Variants in PIK3R3 observed in about 807,000 individuals in gnomAD.
PIK3R3 encodes phosphoinositide-3-kinase regulatory subunit 3.
A neutral mutation model predicts 62.9 loss-of-function variants in PIK3R3; 64 were observed. That is an observed-to-expected ratio of 1.02 (90% confidence interval 0.83 to 1.25). The LOEUF is 1.25. Among genes scored for constraint, PIK3R3 ranks in the 50% most tolerant of loss-of-function variants. The pLI, the probability that PIK3R3 is intolerant of heterozygous loss-of-function variation, is 0.00. For missense variants in PIK3R3, 614 were observed against 561.6 expected (o/e 1.09, Z -0.94); for synonymous variants, 165 against 189.0 (o/e 0.87, Z 1.04).
chr1:46,059,986 GC>G lies in PIK3R3; in HGVS notation c.764+1942del, dbSNP rs1261168600. On this transcript the variant is annotated intron_variant, in intron 6 of 9. Transcript: ENST00000262741. ...GTGGTGGCATGCACCTATAATCCCA[GC>G]TACTTGGGAGGCTGAGGCAGGATAA... Among the ~76,000 whole-genome samples the G allele has an allele frequency of 6.6e-5, 10 of 152,228 alleles. No homozygotes were observed. In the East Asian group the frequency reaches 1.9e-3, roughly 29 times the overall value.
the PIK3R3 span, among the ~76,000 whole-genome samples, chr1:46,153,299 C>T: frequency 6.6e-6 from 1 of 152,162 alleles, no homozygotes; most frequent in Non-Finnish European, 1.5e-5. Flanking sequence ...GGAATTAACC[C>T]TACCTCAAAG....
chr1:46,086,836 T>C (rs1490866761), intron 1 of PIK3R3, among the ~76,000 whole-genome samples: 2 of 152,014 alleles, frequency 1.3e-5, no homozygotes, highest in Non-Finnish European at 2.9e-5. Context: ...GAAAGAGCAG[T>C]TAAGTCCTTA....
At chr1:46,124,320 A>G (rs369889060) in intron 1 of PIK3R3, among the ~76,000 whole-genome samples, 1 of 152,174 alleles carries the variant, frequency 6.6e-6, no homozygotes, top group East Asian at 1.9e-4. Flanking sequence ...TAGTTTTGTA[A>G]TCTATGTCAT....
At chr1:46,061,593 C>A (rs1428817192) in intron 6 of PIK3R3, among the ~76,000 whole-genome samples, 2 of 152,160 alleles carry the variant, frequency 1.3e-5, no homozygotes, top group Non-Finnish European at 2.9e-5. Flanking sequence ...GTGGGCGTGG[C>A]ATTCAGTAAA....
intron 1 of PIK3R3, among the ~76,000 whole-genome samples, chr1:46,109,539 A>G (rs1035628105): frequency 6.6e-6 from 1 of 151,872 alleles, no homozygotes; most frequent in Non-Finnish European, 1.5e-5. Context: ...GCTGAAGTAC[A>G]GTGACGCAAT....
chr1:46,129,054 G>C (rs1655338127), intron 1 of PIK3R3, among the ~76,000 whole-genome samples: 1 of 151,370 alleles, frequency 6.6e-6, no homozygotes, highest in African/African-American at 2.4e-5. Flanking sequence ...CTGGGCAACA[G>C]AGTGAGACTC....
At chr1:46,090,663 T>C (rs183832775) in intron 1 of PIK3R3, among the ~76,000 whole-genome samples, 1 of 152,292 alleles carries the variant, frequency 6.6e-6, no homozygotes, top group Non-Finnish European at 1.5e-5. Context: ...TATTAAACCA[T>C]GTAAGTTCAC....
intron 1 of PIK3R3, among the ~76,000 whole-genome samples, chr1:46,094,831 C>A (rs567179389): frequency 1.7e-4 from 26 of 152,204 alleles, no homozygotes; most frequent in Non-Finnish European, 3.7e-4. Flanking sequence ...AATGGTACAA[C>A]AGCCAATCAC....
At chr1:46,090,011 TG>T in intron 1 of PIK3R3, among the ~76,000 whole-genome samples, 1 of 152,274 alleles carries the variant, frequency 6.6e-6, no homozygotes, top group African/African-American at 2.4e-5. Flanking sequence ...AAGAGTTAAG[TG>T]TTGCCCCTAG....
At chr1:46,060,481 G>A (rs1474470933) in intron 6 of PIK3R3, among the ~76,000 whole-genome samples, 2 of 152,098 alleles carry the variant, frequency 1.3e-5, no homozygotes, top group Non-Finnish European at 2.9e-5. Context: ...CAGAGACTCC[G>A]TCTCAAATAA....
At chr1:46,120,571 C>CA (rs965083824) in intron 1 of PIK3R3, among the ~76,000 whole-genome samples, 2 of 151,472 alleles carry the variant, frequency 1.3e-5, no homozygotes, top group African/African-American at 4.8e-5. Flanking sequence ...GCCTCCGTCT[C>CA]AAAAAAAATA....
chr1:46,080,901 G>A (rs764793787), intron 1 of PIK3R3, 151 bp from the exon 2 acceptor site: 58 of 574,860 alleles, frequency 1.0e-4, no homozygotes, highest in Non-Finnish European at 1.4e-4. Flanking sequence ...AGCAACAGAA[G>A]GAATCCTTTT....
At chr1:46,099,086 T>G (rs785516) in intron 1 of PIK3R3, among the ~76,000 whole-genome samples, 108,837 of 152,038 alleles carry the variant, frequency 0.72, 39,090 homozygotes, top group African/African-American at 0.75. Context: ...GCACAACTAT[T>G]TGACTATATT....
intron 2 of PIK3R3, among the ~76,000 whole-genome samples, chr1:46,079,318 A>G (rs1490341836): frequency 6.6e-6 from 1 of 152,238 alleles, no homozygotes; most frequent in African/African-American, 2.4e-5. Flanking sequence ...TTAAATGTAT[A>G]TAATTCCCTC....
chr1:46,055,910 G>A lies in PIK3R3; in HGVS notation c.826C>T (p.Arg276Cys), dbSNP rs775105727. 9 of 1,605,566 alleles carry A rather than the reference G, an allele frequency of 5.6e-6. No individual in the cohort carries two copies. Among genetic ancestry groups the A allele is most frequent in the South Asian group, 1.1e-5 (1 of 90,592 alleles). Reference sequence around the variant, plus strand: ...TGATTCTTCAAATCCTGCTCTAGACGCATTTTGCTATCATGAATCTCACCC... The same window carrying A: ...TGATTCTTCAAATCCTGCTCTAGACACATTTTGCTATCATGAATCTCACCC... ...RLGEIHDSKM[R>C]LEQDLKNQAL... is the part of the protein sequence containing the mutation. The change falls in exon 7 of 10, where the codon CGT (arginine) becomes TGT (cysteine). Residue 276 changes from arginine (R) to cysteine (C), a missense_variant. Coordinates refer to ENST00000262741, the MANE Select transcript of PIK3R3 (RefSeq NM_003629.4).
chr1:46,088,026 G>A (rs1651255583), intron 1 of PIK3R3, among the ~76,000 whole-genome samples: 2 of 152,144 alleles, frequency 1.3e-5, no homozygotes, highest in African/African-American at 4.8e-5. Context: ...TCTGGAGGTG[G>A]ATGGTGGTGA....
chr1:46,152,562 T>TC, the PIK3R3 span, among the ~76,000 whole-genome samples: 4 of 143,286 alleles, frequency 2.8e-5, no homozygotes, highest in African/African-American at 1.0e-4. Context: ...ATTAACATCT[T>TC]TTTTTTTTTT....
the PIK3R3 span, among the ~76,000 whole-genome samples, chr1:46,143,318 T>C: frequency 6.6e-6 from 1 of 152,206 alleles, no homozygotes. Flanking sequence ...GATACCTTTT[T>C]TGTGTTTATT....
At chr1:46,092,596 C>T (rs924963676) in intron 1 of PIK3R3, among the ~76,000 whole-genome samples, 1 of 152,152 alleles carries the variant, frequency 6.6e-6, no homozygotes. Context: ...ATCTCCTGAA[C>T]TCGTGATCCG....
Sources: allele counts gnomAD v4.1 joint callset (sites outside exome capture counted in the v4.1 genomes callset), GRCh38; gene constraint gnomAD v4.1.1; transcripts MANE v1.5; gene names NCBI Gene and HGNC (gene_info 2026-07-23, HGNC 2026-07-21).